BBS5: variants seen among roughly 807,000 people sequenced by gnomAD.
BBS5 encodes Bardet-Biedl syndrome 5.
BBS5 carries 39 observed loss-of-function variants against 50.2 expected under a neutral mutation model. The observed-to-expected ratio is 0.78, with a 90% CI of 0.60 to 1.01. The LOEUF is 1.01. Ranked by LOEUF, BBS5 falls within the 50% of genes least tolerant of loss-of-function variation. BBS5 has a pLI of 0.00. For synonymous variants in BBS5, 134 were observed against 133.1 expected (o/e 1.01, Z -0.05); for missense variants, 356 against 401.5 (o/e 0.89, Z 0.97).
chr2:169,502,876 T>G (rs1288848216), intron 9 of BBS5, among the ~76,000 whole-genome samples: 1 of 152,218 alleles, frequency 6.6e-6, no homozygotes. Context: ...ATGTGTAAAT[T>G]TCTCTTTCTG....
rs549982758 is a variant in BBS5 at position 169,499,193 on chromosome 2, A to G, written c.682-293A>G. 1.7e-5 allele frequency: 6 copies of G among 345,444 alleles called. No homozygotes were observed. The East Asian group carries it at 3.8e-4, about 22-fold the overall frequency. The allele number at this position is 345,444 out of a possible 1,614,324, so 21.4% of individuals were successfully genotyped here. ...TGAACTTATATTTGAATACACTTCA[A>G]AATAAGCCTGCGTTGGGGGAATGGT... On this transcript the variant is annotated intron_variant, in intron 8 of 11. Coordinates refer to ENST00000295240, the MANE Select transcript of BBS5 (RefSeq NM_152384.3).
At chr2:169,497,560 C>T in intron 7 of BBS5, 67 bp from the exon 8 acceptor site, 1 of 952,450 alleles carries the variant, frequency 1.0e-6, no homozygotes. Context: ...AGTTTAAAAA[C>T]TGAGTTAAAG....
chr2:169,480,624 G>A (rs1047283647), intron 1 of BBS5, among the ~76,000 whole-genome samples: 9 of 149,910 alleles, frequency 6.0e-5, no homozygotes, highest in African/African-American at 2.2e-4. Flanking sequence ...TAAAATTACG[G>A]ACTGTAGTAA....
At chr2:169,495,575 A>G (rs537656231) in intron 7 of BBS5, among the ~76,000 whole-genome samples, 1 of 152,286 alleles carries the variant, frequency 6.6e-6, no homozygotes, top group East Asian at 1.9e-4. Flanking sequence ...GCTTCTTGCC[A>G]GTTTCTGTCT....
intron 7 of BBS5, among the ~76,000 whole-genome samples, chr2:169,497,271 A>G (rs928960421): frequency 1.3e-5 from 2 of 152,210 alleles, no homozygotes; most frequent in African/African-American, 4.8e-5. Flanking sequence ...GTGGTGTGCT[A>G]TGATCACACC....
rs1382790088 is a variant in BBS5, at chr2:169,506,074, A to G, written c.*1492A>G. 1 of 128,986 alleles carries G rather than the reference A, an allele frequency of 7.8e-6. No homozygotes were observed. Among genetic ancestry groups the G allele is most frequent in the Admixed American group, 7.7e-5 (1 of 12,938 alleles). 8.0% of individuals were successfully genotyped at this position (128,986 alleles called of 1,614,324 possible). On this transcript the variant is annotated 3_prime_UTR_variant, in exon 12 of 12. Transcript: ENST00000295240. ...GGGGCGCCTCTGCCCGGCTGCCCCT[A>G]CTGGGAAGTGAGGAGCCCCTCTGCC...
At chr2:169,503,323 A>G (rs1005412498) in intron 10 of BBS5, 145 bp downstream of exon 10, 3 of 730,334 alleles carry the variant, frequency 4.1e-6, no homozygotes, top group Non-Finnish European at 7.0e-6. Context: ...ATTTTTAGTG[A>G]GGGATTTCTT....
At chr2:169,486,039 A>C (rs2105293687) in intron 2 of BBS5, among the ~76,000 whole-genome samples, 1 of 152,304 alleles carries the variant, frequency 6.6e-6, no homozygotes, top group African/African-American at 2.4e-5. Flanking sequence ...TCTTGTGTGA[A>C]CTTTACACTC....
At chr2:169,490,321 G>C (rs534744536) in intron 5 of BBS5, among the ~76,000 whole-genome samples, 2 of 150,844 alleles carry the variant, frequency 1.3e-5, no homozygotes, top group Non-Finnish European at 2.9e-5. Flanking sequence ...AGCCTCCCGA[G>C]TAGCTGGGAC....
rs1019222558 is a variant in BBS5 at position 169,505,101 on chromosome 2, C to A, written c.*519C>A. ...TGCCGAGTGCCTGCGATTACAGGCG[C>A]GCGCCGCCACACCTGACTGGTTTTC... is the stretch of plus-strand genomic sequence containing the variant. On this transcript the variant is annotated 3_prime_UTR_variant, in exon 12 of 12. Transcript: ENST00000295240. The A allele has an allele frequency of 1.1e-4, 106 of 993,342 alleles. No individual in the cohort carries two copies. The highest frequency in any genetic ancestry group is 1.4e-4 in the Non-Finnish European group (90 of 643,546). The allele number at this position is 993,342 out of a possible 1,614,324, so 61.5% of individuals were successfully genotyped here. A position where few individuals can be genotyped will look rare whatever the true frequency, so the allele number is the denominator to read the frequency against.
chr2:169,486,449 T>G (rs997815225), intron 2 of BBS5, among the ~76,000 whole-genome samples: 1 of 152,184 alleles, frequency 6.6e-6, no homozygotes, highest in Non-Finnish European at 1.5e-5. Context: ...ACAGGACACA[T>G]TTTGAGAAAT....
intron 1 of BBS5, among the ~76,000 whole-genome samples, chr2:169,479,849 C>T (rs895779999): frequency 5.9e-5 from 9 of 152,244 alleles, no homozygotes; most frequent in South Asian, 2.1e-4. Flanking sequence ...TCCCATGCGA[C>T]CTCCGGTTCC....
intron 5 of BBS5, among the ~76,000 whole-genome samples, chr2:169,488,488 A>C (rs1045971182): frequency 6.6e-6 from 1 of 152,202 alleles, no homozygotes; most frequent in Non-Finnish European, 1.5e-5. Flanking sequence ...TCCTATGAAA[A>C]TCTAATGCCG....
At chr2:169,493,117 T>C in intron 6 of BBS5, 108 bp downstream of exon 6, 4 of 1,304,986 alleles carry the variant, frequency 3.1e-6, no homozygotes, top group Middle Eastern at 4.8e-4. Context: ...ATTAGCATTA[T>C]AGGAAAGCGT....
chr2:169,499,204 C>T (rs777755608), intron 8 of BBS5: 4 of 364,672 alleles, frequency 1.1e-5, no homozygotes, highest in Non-Finnish European at 2.0e-5. Flanking sequence ...AATAAGCCTG[C>T]GTTGGGGGAA....
intron 6 of BBS5, among the ~76,000 whole-genome samples, chr2:169,493,317 C>A (rs188851813): frequency 2.6e-5 from 4 of 152,132 alleles, no homozygotes; most frequent in African/African-American, 9.7e-5. Flanking sequence ...AGAATACAAT[C>A]TAATGTATAT....
chr2:169,482,421 C>T (rs1683413985), intron 2 of BBS5, 88 bp downstream of exon 2: 5 of 894,954 alleles, frequency 5.6e-6, no homozygotes, highest in Non-Finnish European at 9.5e-6. Flanking sequence ...GAAACAGCAT[C>T]ATTTGTCAGT....
intron 7 of BBS5, among the ~76,000 whole-genome samples, chr2:169,497,235 A>G (rs554041909): frequency 6.6e-6 from 1 of 152,298 alleles, no homozygotes; most frequent in Admixed American, 6.5e-5. Flanking sequence ...CAGGAGGAGG[A>G]TCCCTTAGCC....
intron 2 of BBS5, among the ~76,000 whole-genome samples, chr2:169,483,407 C>T (rs543768627): frequency 5.0e-4 from 76 of 152,226 alleles, no homozygotes; most frequent in Non-Finnish European, 9.4e-4. Flanking sequence ...CCACCTGTCT[C>T]GGCCTCCCAA....
Sources: allele counts gnomAD v4.1 joint callset (sites outside exome capture counted in the v4.1 genomes callset), GRCh38; gene constraint gnomAD v4.1.1; transcripts MANE v1.5; gene names NCBI Gene and HGNC (gene_info 2026-07-23, HGNC 2026-07-21).